Variants in RORA observed in about 807,000 individuals in gnomAD.
RORA encodes the protein nuclear receptor ROR-alpha.
Under a neutral mutation model 69.5 loss-of-function variants are expected in RORA, and 7 were observed. That is an observed-to-expected ratio of 0.10 (90% CI 0.06 to 0.19). RORA has a LOEUF of 0.19. Ranked by LOEUF, RORA falls within the 10% of genes least tolerant of loss-of-function variation. RORA has a pLI of 1.00. For synonymous variants in RORA, 261 were observed against 240.8 expected, an observed-to-expected ratio of 1.08 and a Z score of -0.78; for missense variants, 457 against 663.0, an observed-to-expected ratio of 0.69 and a Z score of 3.41.
At chr15:60,649,230 G>T (rs771091189) in intron 2 of RORA, among the ~76,000 whole-genome samples, 8 of 147,648 alleles carry the variant, frequency 5.4e-5, no homozygotes, top group Middle Eastern at 7.1e-3. Flanking sequence ...TTGGTTTCCA[G>T]TTGCTTCCAG....
intron 1 of RORA, among the ~76,000 whole-genome samples, chr15:60,819,717 A>G (rs911602704): frequency 1.3e-5 from 2 of 149,636 alleles, no homozygotes; most frequent in African/African-American, 5.0e-5. Context: ...TGCTTTGGGA[A>G]TATCACTCCT....
intron 3 of RORA, among the ~76,000 whole-genome samples, chr15:60,518,804 C>G (rs1275003325): frequency 1.3e-5 from 2 of 152,142 alleles, no homozygotes; most frequent in Non-Finnish European, 2.9e-5. Flanking sequence ...TTCACTGACC[C>G]TGGCGCTTCC....
At chr15:60,945,505 T>A (rs1270287839) in intron 1 of RORA, among the ~76,000 whole-genome samples, 1 of 152,148 alleles carries the variant, frequency 6.6e-6, no homozygotes, top group Admixed American at 6.5e-5. Flanking sequence ...AGGCTACAAC[T>A]ACCGAGAACA....
chr15:60,918,744 T>A (rs1891952113), intron 1 of RORA, among the ~76,000 whole-genome samples: 1 of 152,180 alleles, frequency 6.6e-6, no homozygotes, highest in African/African-American at 2.4e-5. Context: ...TTTCTGGGCA[T>A]GTCTGGGGTG....
chr15:61,098,705 C>G lies in RORA; in HGVS notation c.166+130348G>C, dbSNP rs77045415. Among the ~76,000 whole-genome samples, 286 of 152,280 alleles carry G rather than the reference C, an allele frequency of 1.9e-3. 7 individuals are homozygous for G. In the East Asian group the frequency reaches 0.052, roughly 28 times the overall value. The stretch of plus-strand genomic sequence containing the variant: ...TATCGACAAGGGAATGTGGTGTGAT[C>G]TGAGGAAAATCTCACCCTACAAACA... On this transcript the variant is annotated intron_variant, in intron 1 of 10. Transcript: ENST00000335670.
chr15:60,563,497 T>G (rs2067635509), intron 2 of RORA, among the ~76,000 whole-genome samples: 1 of 152,234 alleles, frequency 6.6e-6, no homozygotes, highest in African/African-American at 2.4e-5. Context: ...TTTCCAACTA[T>G]TTTAGTCATC....
chr15:61,135,578 C>A (rs372232715), intron 1 of RORA, among the ~76,000 whole-genome samples: 159 of 112,250 alleles, frequency 1.4e-3, no homozygotes, highest in Middle Eastern at 4.9e-3. Flanking sequence ...ATTTCCACAT[C>A]AAAAAAAAAA....
At position 60,558,137 on chromosome 15, in the gene RORA, G is replaced by A. The variant is rs909184987; in HGVS notation, c.197-26286C>T. ...CTAGAAGTATGCCCAGTGCCACACC[G>A]GGGGAAAGGGAGGCAAACACAAGAC... On this transcript the variant is annotated intron_variant, in intron 2 of 10. Transcript: ENST00000335670. 1.4e-4 allele frequency: 124 copies of A among 902,330 alleles called. No homozygotes were observed. The East Asian group carries it at 1.9e-3, about 14-fold the overall frequency. 55.9% of individuals were successfully genotyped at this position (902,330 alleles called of 1,614,324 possible).
chr15:60,603,765 G>A (rs545221135), intron 2 of RORA, among the ~76,000 whole-genome samples: 27 of 152,036 alleles, frequency 1.8e-4, no homozygotes, highest in Admixed American at 3.3e-4. Flanking sequence ...CAATCTTCTC[G>A]CGCTTGAACA....
chr15:60,727,990 T>C (rs2071383072), intron 1 of RORA, among the ~76,000 whole-genome samples: 1 of 152,116 alleles, frequency 6.6e-6, no homozygotes, highest in African/African-American at 2.4e-5. Context: ...ATGGGCTACA[T>C]CCCCACTTTA....
At chr15:61,096,243 C>T (rs2078788374) in intron 1 of RORA, among the ~76,000 whole-genome samples, 1 of 152,192 alleles carries the variant, frequency 6.6e-6, no homozygotes, top group Non-Finnish European at 1.5e-5. Flanking sequence ...GTGTACACTA[C>T]TGTCCCTTAT....
chr15:60,626,332 C>G (rs2069579847), intron 2 of RORA, among the ~76,000 whole-genome samples: 1 of 152,140 alleles, frequency 6.6e-6, no homozygotes, highest in Non-Finnish European at 1.5e-5. Flanking sequence ...AAACATATTT[C>G]ATAGTTCCTG....
At chr15:60,523,122 T>C (rs746768722) in intron 3 of RORA, among the ~76,000 whole-genome samples, 1 of 152,088 alleles carries the variant, frequency 6.6e-6, no homozygotes, top group Non-Finnish European at 1.5e-5. Flanking sequence ...AGTGCTCCCA[T>C]TGTGAATAAC....
At chr15:60,791,119 G>C (rs1038974579) in intron 1 of RORA, among the ~76,000 whole-genome samples, 1 of 152,086 alleles carries the variant, frequency 6.6e-6, no homozygotes, top group Non-Finnish European at 1.5e-5. Context: ...ACATAAAACT[G>C]ATTGTAGAAC....
chr15:60,866,590 A>C (rs529272381), intron 1 of RORA, among the ~76,000 whole-genome samples: 28 of 152,284 alleles, frequency 1.8e-4, no homozygotes, highest in Non-Finnish European at 3.4e-4. Flanking sequence ...TGGGACTCTC[A>C]GCCCCACTCT....
At chr15:60,558,538 C>T in intron 2 of RORA, 1 of 418,828 alleles carries the variant, frequency 2.4e-6, no homozygotes, top group Non-Finnish European at 4.2e-6. Flanking sequence ...TTTGATGTTT[C>T]TTTGAATTTT....
intron 1 of RORA, among the ~76,000 whole-genome samples, chr15:60,833,788 T>C (rs898462883): frequency 1.3e-5 from 2 of 152,234 alleles, no homozygotes; most frequent in African/African-American, 4.8e-5. Context: ...GGAAGAGTGG[T>C]TGAGAGAACA....
At chr15:61,193,481 A>C (rs774952369) in intron 1 of RORA, among the ~76,000 whole-genome samples, 11 of 152,166 alleles carry the variant, frequency 7.2e-5, no homozygotes, top group Non-Finnish European at 1.6e-4. Flanking sequence ...CTGCCTGTGA[A>C]TAGAGAAAAG....
chr15:60,854,257 T>G (rs753930109), intron 1 of RORA, among the ~76,000 whole-genome samples: 1 of 151,842 alleles, frequency 6.6e-6, no homozygotes, highest in Admixed American at 6.6e-5. Context: ...AGACTCCATC[T>G]CAAATAAATA....
Sources: allele counts gnomAD v4.1 joint callset (sites outside exome capture counted in the v4.1 genomes callset), GRCh38; gene constraint gnomAD v4.1.1; transcripts MANE v1.5; gene names NCBI Gene and HGNC (gene_info 2026-07-23, HGNC 2026-07-21).